MICU2: variants seen among roughly 807,000 people sequenced by gnomAD.
MICU2 encodes the protein mitochondrial calcium uptake 2.
Under a neutral mutation model 60.4 loss-of-function variants are expected in MICU2, and 64 were observed. The ratio of observed to expected loss-of-function variants is 1.06; its 90% CI spans 0.87 to 1.31. MICU2 has a LOEUF of 1.31. Ranked by LOEUF, MICU2 falls within the 50% of genes most tolerant of loss-of-function variation. The probability of loss-of-function intolerance (pLI) is 0.00; values close to 1 mark genes in which losing one functional copy is unlikely to be tolerated. For synonymous variants in MICU2, 201 were observed against 175.0 expected (o/e 1.15, Z -1.17); for missense variants, 569 against 531.0 (o/e 1.07, Z -0.70).
intron 4 of MICU2, among the ~76,000 whole-genome samples, chr13:21,533,833 ATT>A (rs1378647233): frequency 2.0e-5 from 3 of 152,234 alleles, no homozygotes; most frequent in African/African-American, 7.2e-5. Flanking sequence ...GTCATTAACT[ATT>A]AAGCTGATAA....
chr13:21,504,079 A>C (rs1218958946), intron 8 of MICU2, among the ~76,000 whole-genome samples: 1 of 152,118 alleles, frequency 6.6e-6, no homozygotes, highest in African/African-American at 2.4e-5. Context: ...TGTTACTTAA[A>C]ACATTTTCTG....
chr13:21,534,537 C>G (rs1022220930), intron 4 of MICU2, among the ~76,000 whole-genome samples: 1 of 151,982 alleles, frequency 6.6e-6, no homozygotes, highest in Non-Finnish European at 1.5e-5. Flanking sequence ...AGAAGACCAA[C>G]ATAAATTATT....
chr13:21,531,819 T>C (rs80105151), intron 4 of MICU2, among the ~76,000 whole-genome samples: 2,949 of 152,296 alleles, frequency 0.019, 80 homozygotes, highest in African/African-American at 0.062. Context: ...AATAAAAGCA[T>C]AGCTGTATCT....
chr13:21,589,326 G>A (rs1888524010), intron 1 of MICU2, among the ~76,000 whole-genome samples: 1 of 152,296 alleles, frequency 6.6e-6, no homozygotes, highest in East Asian at 1.9e-4. Context: ...CAGGTGCTGT[G>A]TCATACCATA....
At chr13:21,597,948 A>AC (rs754150140) in intron 1 of MICU2, among the ~76,000 whole-genome samples, 22,684 of 143,084 alleles carry the variant, frequency 0.16, 2,732 homozygotes, top group Non-Finnish European at 0.26. Context: ...AAAAAAAAAA[A>AC]AGAATTTCAA....
At chr13:21,501,390 G>A (rs1886152338) in intron 9 of MICU2, among the ~76,000 whole-genome samples, 1 of 151,978 alleles carries the variant, frequency 6.6e-6, no homozygotes, top group African/African-American at 2.4e-5. Flanking sequence ...AGCCTCCCGA[G>A]TAGCTGGGAC....
intron 1 of MICU2, among the ~76,000 whole-genome samples, chr13:21,592,702 T>G (rs972958732): frequency 1.3e-5 from 2 of 152,098 alleles, no homozygotes; most frequent in African/African-American, 4.8e-5. Flanking sequence ...GATGCAAGGG[T>G]GGTTCAACAT....
rs1224571615 is a variant in MICU2 at position 21,545,360 on chromosome 13, AT to A, written c.359-5673del. Among the ~76,000 whole-genome samples the A allele has an allele frequency of 3.9e-5, 6 of 152,324 alleles. No individual in the cohort carries two copies. The East Asian group carries it at 9.7e-4, about 25-fold the overall frequency. ...AAGAACCAAAAGTTAAACACCCAAT[AT>A]TCTCACTGATATGTGGAAGCTAAAA... is the stretch of plus-strand genomic sequence containing the variant. On this transcript the variant is annotated intron_variant, in intron 2 of 11. Coordinates refer to ENST00000382374, the MANE Select transcript of MICU2 (RefSeq NM_152726.3).
At chr13:21,521,887 C>T (rs1473775853) in intron 5 of MICU2, among the ~76,000 whole-genome samples, 1 of 152,200 alleles carries the variant, frequency 6.6e-6, no homozygotes, top group Admixed American at 6.5e-5. Flanking sequence ...AGCAATCCTC[C>T]TACCTCAGCC....
rs1886118048 is a variant in MICU2, at chr13:21,500,416, GAT to G, written c.933+2508_933+2509del. Among the ~76,000 whole-genome samples, 3 of 99,762 alleles carry G rather than the reference GAT, an allele frequency of 3.0e-5. No individual in the cohort carries two copies. In the South Asian group the frequency reaches 1.6e-3, roughly 54 times the overall value. The allele number at this position is 99,762 out of a possible 152,430, so 65.4% of individuals were successfully genotyped here. On this transcript the variant is annotated intron_variant, in intron 9 of 11. Transcript: ENST00000382374. ...CCGTTTAAAGTTCTTGATACCTACT[GAT>G]TTTTTTTTTTTTTTTTTTTTTTTTT...
intron 8 of MICU2, among the ~76,000 whole-genome samples, chr13:21,507,761 G>A (rs1886324252): frequency 6.6e-6 from 1 of 151,736 alleles, no homozygotes; most frequent in South Asian, 2.1e-4. Context: ...CTGCCACCTC[G>A]CCCGGCTAAT....
At position 21,603,985 on chromosome 13, in the gene MICU2, C is replaced by G. The variant is rs147484231; in HGVS notation, c.164G>C (p.Arg55Pro). The G allele has an allele frequency of 6.2e-7, 1 of 1,612,042 alleles. No individual in the cohort carries two copies. The highest frequency in any genetic ancestry group is 8.5e-7 in the Non-Finnish European group (1 of 1,179,602). Residue 55 changes from arginine to proline, a missense_variant, in exon 1 of 12, where the codon CGC becomes CCC. Coordinates refer to ENST00000382374, the MANE Select transcript of MICU2 (RefSeq NM_152726.3). ...GCCATCCCGCGCCGCAACACTGACG[C>G]GGCTGTGGTGCCAGGCCGCTCCTGC... ...AGAGAAWHHSRVSVAARDGSF... is the reference protein window; with the variant it reads ...AGAGAAWHHSPVSVAARDGSF...
Position 21,539,669 on chromosome 13 carries a change from C to A in MICU2, c.378G>T (p.Lys126Asn). The A allele has an allele frequency of 2.5e-6, 4 of 1,614,048 alleles. No individual in the cohort carries two copies. The highest frequency in any genetic ancestry group is 3.4e-6 in the Non-Finnish European group (4 of 1,179,972). Residue 126 changes from lysine (K) to asparagine (N), a missense_variant, in exon 3 of 12, where the codon AAG (lysine) becomes AAT (asparagine). Lys to Asn is a moderately conservative substitution (Grantham distance 94, BLOSUM62 0). Coordinates refer to ENST00000382374, the MANE Select transcript of MICU2 (RefSeq NM_152726.3). ...EQMERKTSVK[K>N]LTKKDIEDTL... ...ACATGATGCTTACCTTTTTTGTCAG[C>A]TTCTTGACTGAAGTTTTACCTACAA...
intron 2 of MICU2, among the ~76,000 whole-genome samples, chr13:21,549,949 A>G (rs1007770216): frequency 6.6e-6 from 1 of 152,172 alleles, no homozygotes; most frequent in African/African-American, 2.4e-5. Flanking sequence ...TCGTGGATGT[A>G]TGAAAAAAAC....
intron 2 of MICU2, among the ~76,000 whole-genome samples, chr13:21,540,492 C>T (rs1401905019): frequency 6.6e-6 from 1 of 152,096 alleles, no homozygotes; most frequent in Non-Finnish European, 1.5e-5. Flanking sequence ...ATTCAGGTGG[C>T]ACATTAAAAA....
At chr13:21,574,653 G>A (rs1344807408) in intron 1 of MICU2, among the ~76,000 whole-genome samples, 1 of 152,170 alleles carries the variant, frequency 6.6e-6, no homozygotes, top group African/African-American at 2.4e-5. Flanking sequence ...AAAAGAAAGG[G>A]CCTTCCCTAT....
Position 21,539,336 on chromosome 13 carries a change from A to G in MICU2, c.432T>C (p.Cys144=). The change falls in exon 4 of 12, where the codon TGT becomes TGC. Residue 144 remains cysteine (C), a synonymous_variant. Transcript: ENST00000382374. ...DTLSGIQTAG[C]GSTFFRDLGD... ...CAAGGTCTCTGAAAAAAGTTGATCC[A>G]CAGCCAGCTGTTTGGATCCCTGACA... The G allele has an allele frequency of 6.2e-7, 1 of 1,614,056 alleles. No homozygotes were observed. The highest frequency in any genetic ancestry group is 8.5e-7 in the Non-Finnish European group (1 of 1,179,950).
At chr13:21,585,632 A>G (rs1888438791) in intron 1 of MICU2, among the ~76,000 whole-genome samples, 1 of 152,254 alleles carries the variant, frequency 6.6e-6, no homozygotes, top group Admixed American at 6.5e-5. Flanking sequence ...TAGGGCTCTT[A>G]TAGCAAATTC....
chr13:21,523,194 A>G (rs1406168650), intron 4 of MICU2, among the ~76,000 whole-genome samples: 1 of 152,148 alleles, frequency 6.6e-6, no homozygotes, highest in Non-Finnish European at 1.5e-5. Flanking sequence ...TTCTGGGTCT[A>G]CAGCTTGCAG....
Sources: gnomAD v4.1 joint callset for allele counts (sites outside exome capture counted in the v4.1 genomes callset) on GRCh38, gnomAD v4.1.1 for gene constraint, MANE v1.5 for transcripts, NCBI Gene and HGNC (gene_info 2026-07-23, HGNC 2026-07-21) for gene names.